The following SHISA3 variants were observed in gnomAD, a reference collection of about 807,000 sequenced individuals.
The protein encoded by SHISA3 is shisa family member 3.
In SHISA3, 15 loss-of-function variants were observed where a neutral mutation model predicts 19.2. The observed-to-expected ratio is 0.78, with a 90% CI of 0.52 to 1.20. The LOEUF (loss-of-function observed/expected upper bound fraction) is 1.20, where lower values mean the gene tolerates loss of function less well. Among genes scored for constraint, SHISA3 ranks in the 50% most tolerant of loss-of-function variants. The pLI, the probability that SHISA3 is intolerant of heterozygous loss-of-function variation, is 0.00. For synonymous variants in SHISA3, 145 were observed against 135.2 expected (o/e 1.07, Z -0.50); for missense variants, 327 against 315.7 (o/e 1.04, Z -0.27).
At chr4:42,398,655 G>C (rs1273715455) in intron 1 of SHISA3, among the ~76,000 whole-genome samples, 1 of 152,188 alleles carries the variant, frequency 6.6e-6, no homozygotes, top group Admixed American at 6.5e-5. Flanking sequence ...CCCGGGAGAA[G>C]GGTAGTGCGG....
Position 42,401,207 on chromosome 4 carries a change from C to A in SHISA3, c.473C>A (p.Pro158His). The A allele has an allele frequency of 6.2e-7, 1 of 1,614,212 alleles. No homozygotes were observed. Among genetic ancestry groups the A allele is most frequent in the Non-Finnish European group, 8.5e-7 (1 of 1,180,030 alleles). Reference protein sequence around the residue: ...MILTSTSPRAPSRQSSTATSS... With the variant: ...MILTSTSPRAHSRQSSTATSS... ...CTGACCTCCACCAGCCCCAGGGCAC[C>A]CTCCCGGCAGTCCAGCACAGCCACG... Residue 158 changes from proline to histidine, a missense_variant, in exon 2 of 2, where the codon CCC becomes CAC. Physicochemically the swap from Pro to His is moderately conservative, Grantham distance 77. Coordinates refer to ENST00000319234, the MANE Select transcript of SHISA3 (RefSeq NM_001080505.3).
At chr4:42,399,117 G>A (rs553743823) in intron 1 of SHISA3, among the ~76,000 whole-genome samples, 11 of 152,272 alleles carry the variant, frequency 7.2e-5, no homozygotes, top group Admixed American at 7.2e-4. Flanking sequence ...CACCTGAATC[G>A]GAACATCAGG....
In SHISA3 at chr4:42,397,723, CG is replaced by C; in HGVS notation, c.-328del. ...CTTGAGGAGTGGGGAGGGAGGTGGC[CG>C]GGGGGTTGGCGCGCCCCTCGCGCGG... On this transcript the variant is annotated 5_prime_UTR_variant, in exon 1 of 2. It removes the in-frame stop codon of an upstream open reading frame in the 5' UTR. Transcript: ENST00000319234. The C allele has an allele frequency of 3.1e-5, 9 of 294,158 alleles. No individual in the cohort carries two copies. Among genetic ancestry groups the C allele is most frequent in the East Asian group, 6.8e-5 (1 of 14,608 alleles). The allele number at this position is 294,158 out of a possible 1,614,324, so 18.2% of individuals were successfully genotyped here.
chr4:42,398,595 G>A (rs1235180793), intron 1 of SHISA3, among the ~76,000 whole-genome samples: 1 of 152,206 alleles, frequency 6.6e-6, no homozygotes, highest in African/African-American at 2.4e-5. Flanking sequence ...CAGGGACAGT[G>A]AGGAGCGCGG....
chr4:42,398,117 G>T lies in SHISA3; in HGVS notation c.61G>T (p.Ala21Ser), dbSNP rs1711798138. ...LGWLRWGPAG[A>S]QQSGEYCHGW... Reference sequence around the variant, plus strand: ...CTGGCTGCGCTGGGGCCCGGCGGGCGCCCAGCAGTCCGGAGAGTACTGCCA... The same window carrying T: ...CTGGCTGCGCTGGGGCCCGGCGGGCTCCCAGCAGTCCGGAGAGTACTGCCA... The change falls in exon 1 of 2, where the codon GCC (alanine) becomes TCC (serine). Residue 21 changes from alanine (A) to serine (S), a missense_variant. Coordinates refer to ENST00000319234, the MANE Select transcript of SHISA3 (RefSeq NM_001080505.3). The T allele has an allele frequency of 6.2e-7, 1 of 1,602,172 alleles. No homozygotes were observed. The highest frequency in any genetic ancestry group is 8.5e-7 in the Non-Finnish European group (1 of 1,175,372).
intron 1 of SHISA3, 29 bp from the exon 2 acceptor site, chr4:42,400,983 A>ATC: frequency 6.2e-7 from 1 of 1,603,244 alleles, no homozygotes; most frequent in Non-Finnish European, 8.5e-7. Flanking sequence ...TCATCTGAGC[A>ATC]TCTGTTTATG....
At chr4:42,398,433 T>C in intron 1 of SHISA3, 100 bp downstream of exon 1, 1 of 1,307,086 alleles carries the variant, frequency 7.7e-7, no homozygotes, top group Non-Finnish European at 1.0e-6. Context: ...TCTATGCGCC[T>C]TCCTGGGTCT....
At position 42,401,013 on chromosome 4, in the gene SHISA3, G is replaced by A. The variant is rs774812216; in HGVS notation, c.279G>A (p.Gln93=). ...RELEHPGITA[Q]PVYVPFLIVG... ...TTTATGTCTGTTTTTGCCTTTTAGA[G>A]CCTGTCTACGTCCCCTTTCTCATCG... The change falls in exon 2 of 2, where the codon CAG becomes CAA. Residue 93 remains glutamine (Q), a splice_region_variant and synonymous_variant. Transcript: ENST00000319234. 2 of 1,612,908 alleles carry A rather than the reference G, an allele frequency of 1.2e-6. No individual in the cohort carries two copies. Among genetic ancestry groups the A allele is most frequent in the East Asian group, 2.2e-5 (1 of 44,858 alleles).
chr4:42,401,133 A>T lies in SHISA3; in HGVS notation c.399A>T (p.Pro133=). Reference sequence around the variant, plus strand: ...GACCCAAGGAGCCCTCGCAGCAGCCAATCCGCTTCTCACTCCGCAGCTATC... The same window carrying T: ...GACCCAAGGAGCCCTCGCAGCAGCCTATCCGCTTCTCACTCCGCAGCTATC... ...CLRPKEPSQQ[P]IRFSLRSYQT... is the part of the protein sequence containing the mutation. The change falls in exon 2 of 2, where the codon CCA becomes CCT. Residue 133 remains proline, a synonymous_variant. Coordinates refer to ENST00000319234, the MANE Select transcript of SHISA3 (RefSeq NM_001080505.3). The T allele has an allele frequency of 6.2e-7, 1 of 1,614,168 alleles. No individual in the cohort carries two copies. Among genetic ancestry groups the T allele is most frequent in the Non-Finnish European group, 8.5e-7 (1 of 1,180,036 alleles).
In SHISA3 at chr4:42,402,028, TGAG is replaced by T. The variant is rs1423327491; in HGVS notation, c.*578_*580del. ...AAATAACTAAATTTTGTTTACAATA[TGAG>T]TTTTTCCAGAATACAAGGTTTCAAT... On this transcript the variant is annotated 3_prime_UTR_variant, in exon 2 of 2. Transcript: ENST00000319234. 1 of 152,270 alleles carries T rather than the reference TGAG, an allele frequency of 6.6e-6. No individual in the cohort carries two copies. The highest frequency in any genetic ancestry group is 1.5e-5 in the Non-Finnish European group (1 of 68,058). 9.4% of individuals were successfully genotyped at this position (152,270 alleles called of 1,614,324 possible).
intron 1 of SHISA3, among the ~76,000 whole-genome samples, chr4:42,399,783 G>C (rs903409179): frequency 6.6e-6 from 1 of 152,228 alleles, no homozygotes; most frequent in Non-Finnish European, 1.5e-5. Context: ...GAGTTAAGTT[G>C]TTGGTGACGT....
Position 42,401,446 on chromosome 4 carries a change from A to T in SHISA3, c.712A>T (p.Ser238Cys), listed in dbSNP as rs1456255700. Reference sequence around the variant, plus strand: ...GAAGAGCTGTCCAGACTTCAGTTCCAGTTGACACGCCCAGGCCATGAATCC... The same window carrying T: ...GAAGAGCTGTCCAGACTTCAGTTCCTGTTGACACGCCCAGGCCATGAATCC... ...PGKSCPDFSS[S>C] Residue 238 changes from serine to cysteine, a missense_variant, in exon 2 of 2, where the codon AGT (serine) becomes TGT (cysteine). Transcript: ENST00000319234. The T allele has an allele frequency of 1.3e-6, 2 of 1,568,520 alleles. No individual in the cohort carries two copies. Among genetic ancestry groups the T allele is most frequent in the South Asian group, 1.2e-5 (1 of 81,704 alleles).
chr4:42,398,565 GGCCC>G lies in SHISA3; in HGVS notation c.277+235_277+238del, dbSNP rs1711818607. Among the ~76,000 whole-genome samples the G allele has an allele frequency of 7.2e-5, 11 of 152,322 alleles. No homozygotes were observed. In the South Asian group the frequency reaches 2.3e-3, roughly 32 times the overall value. ...CCGCCACTTGCGGTCTCTGCGGGTCGGCCCGCAGGGAAAGTTTGCCAGGGACAGT... is the reference window on the plus strand; with the variant it reads ...CCGCCACTTGCGGTCTCTGCGGGTCGGCAGGGAAAGTTTGCCAGGGACAGT... On this transcript the variant is annotated intron_variant, in intron 1 of 1. Coordinates refer to ENST00000319234, the MANE Select transcript of SHISA3 (RefSeq NM_001080505.3).
At position 42,398,119 on chromosome 4, in the gene SHISA3, C is replaced by T; in HGVS notation, c.63C>T (p.Ala21=). 1 of 1,602,596 alleles carries T rather than the reference C, an allele frequency of 6.2e-7. No homozygotes were observed. The highest frequency in any genetic ancestry group is 8.5e-7 in the Non-Finnish European group (1 of 1,175,596). ...LGWLRWGPAG[A]QQSGEYCHGW... ...GGCTGCGCTGGGGCCCGGCGGGCGC[C>T]CAGCAGTCCGGAGAGTACTGCCACG... The change falls in exon 1 of 2, where the codon GCC becomes GCT. Residue 21 remains alanine (A), a synonymous_variant. Transcript: ENST00000319234.
Position 42,401,731 on chromosome 4 carries a change from G to A in SHISA3, c.*280G>A, listed in dbSNP as rs1711930155. 2.8e-6 allele frequency: 1 copy of A among 361,912 alleles called. No homozygotes were observed. Among genetic ancestry groups the A allele is most frequent in the Non-Finnish European group, 5.0e-6 (1 of 201,948 alleles). The allele number at this position is 361,912 out of a possible 1,614,324, so 22.4% of individuals were successfully genotyped here. A position where few individuals can be genotyped will look rare whatever the true frequency, so the allele number is the denominator to read the frequency against. On this transcript the variant is annotated 3_prime_UTR_variant, in exon 2 of 2. Transcript: ENST00000319234. ...TATGCAGCAGTTTGACTTTAAAGTT[G>A]CAAACTGGCTAAAAACGTTTTACTG...
Position 42,397,942 on chromosome 4 carries a change from A to G in SHISA3, c.-115A>G. 1 of 1,081,520 alleles carries G rather than the reference A, an allele frequency of 9.2e-7. No individual in the cohort carries two copies. The highest frequency in any genetic ancestry group is 1.3e-6 in the Non-Finnish European group (1 of 784,472). 67.0% of individuals were successfully genotyped at this position (1,081,520 alleles called of 1,614,324 possible). A position where few individuals can be genotyped will look rare whatever the true frequency, so the allele number is the denominator to read the frequency against. ...AGGACTGGCTTCGGCCGCCGGGGCCAGCAGCTTGCGACGTGTCCCTGGGGA... is the reference window on the plus strand; with the variant it reads ...AGGACTGGCTTCGGCCGCCGGGGCCGGCAGCTTGCGACGTGTCCCTGGGGA... On this transcript the variant is annotated 5_prime_UTR_variant, in exon 1 of 2. Transcript: ENST00000319234.
intron 1 of SHISA3, among the ~76,000 whole-genome samples, chr4:42,400,495 G>T (rs1711877707): frequency 6.6e-6 from 1 of 152,080 alleles, no homozygotes; most frequent in Non-Finnish European, 1.5e-5. Flanking sequence ...GTTCTTTCTG[G>T]AGTCTCATAA....
rs528467162 is a variant in SHISA3, at chr4:42,398,623, C to CGG, written c.277+295_277+296dup. Among the ~76,000 whole-genome samples, 12 of 152,124 alleles carry CGG rather than the reference C, an allele frequency of 7.9e-5. No homozygotes were observed. The South Asian group carries it at 2.3e-3, about 29-fold the overall frequency. Reference sequence around the variant, plus strand: ...GAGCGCGGGGCTTGTGCCTGGTAGCCGGGGGGAAGACAGCTGGAGCTCCCG... The same window carrying CGG: ...GAGCGCGGGGCTTGTGCCTGGTAGCCGGGGGGGGAAGACAGCTGGAGCTCCCG... On this transcript the variant is annotated intron_variant, in intron 1 of 1. Transcript: ENST00000319234.
At chr4:42,400,246 G>A (rs1711868767) in intron 1 of SHISA3, among the ~76,000 whole-genome samples, 1 of 152,188 alleles carries the variant, frequency 6.6e-6, no homozygotes, top group Admixed American at 6.5e-5. Context: ...GAAGGAAATT[G>A]GAGTTTGCTC....
Sources: gnomAD v4.1 joint callset for allele counts (sites outside exome capture counted in the v4.1 genomes callset) on GRCh38, gnomAD v4.1.1 for gene constraint, MANE v1.5 for transcripts, NCBI Gene and HGNC (gene_info 2026-07-23, HGNC 2026-07-21) for gene names.